OR7C1: variants seen among roughly 807,000 people sequenced by gnomAD.
OR7C1 encodes olfactory receptor family 7 subfamily C member 1.
For missense variants in OR7C1, 324 were observed against 383.3 expected, an observed-to-expected ratio of 0.85 and a Z score of 1.29; for synonymous variants, 152 against 160.7, an observed-to-expected ratio of 0.95 and a Z score of 0.41.
chr19:14,828,259 C>G (rs2044794614), intron 1 of OR7C1: 1 of 1,585,098 alleles, frequency 6.3e-7, no homozygotes, highest in African/African-American at 1.3e-5. Flanking sequence ...AAGTGACTAT[C>G]AGAGAGAGAG....
chr19:14,817,827 A>G (rs2044722581), intron 1 of OR7C1, among the ~76,000 whole-genome samples: 1 of 152,164 alleles, frequency 6.6e-6, no homozygotes, highest in East Asian at 1.9e-4. Context: ...AAGGAATGGG[A>G]GCTAAAAAGT....
exon 5 of OR7C1, chr19:14,799,762 G>A (rs1301952606): frequency 1.9e-6 from 3 of 1,613,950 alleles, no homozygotes; most frequent in Non-Finnish European, 2.5e-6. Flanking sequence ...GGTGACAGAC[G>A]GCCACGAAGC....
Position 14,828,362 on chromosome 19 carries a change from G to T in OR7C1, c.-623+6712C>A, listed in dbSNP as rs551120689. On this transcript the variant is annotated intron_variant, in intron 1 of 4. Transcript: ENST00000641666. ...TAGCCAATAAATTATCTTACATTTT[G>T]TGTATGAATCTGGTTCTCTTTAAGG... 3.0e-3 allele frequency: 3,529 copies of T among 1,160,048 alleles called. 6 individuals are homozygous for T. Among genetic ancestry groups the T allele is most frequent in the Non-Finnish European group, 4.0e-3 (3,324 of 828,200 alleles). The allele number at this position is 1,160,048 out of a possible 1,614,324, so 71.9% of individuals were successfully genotyped here. A position where few individuals can be genotyped will look rare whatever the true frequency, so the allele number is the denominator to read the frequency against.
intron 2 of OR7C1, among the ~76,000 whole-genome samples, chr19:14,804,902 T>G (rs2044659040): frequency 6.6e-6 from 1 of 151,742 alleles, no homozygotes; most frequent in Admixed American, 6.6e-5. Flanking sequence ...GACAAGGTCT[T>G]GTTTTGTTGC....
intron 2 of OR7C1, among the ~76,000 whole-genome samples, chr19:14,807,906 A>C (rs908664601): frequency 2.6e-5 from 4 of 151,400 alleles, no homozygotes; most frequent in African/African-American, 7.3e-5. Context: ...AAAAAAAAAA[A>C]CAAACAAACA....
intron 2 of OR7C1, among the ~76,000 whole-genome samples, chr19:14,807,030 A>G (rs2044669114): frequency 6.6e-6 from 1 of 152,032 alleles, no homozygotes; most frequent in African/African-American, 2.4e-5. Flanking sequence ...ATTTCTCCAC[A>G]GTCTTGCCAG....
At chr19:14,827,771 C>T in intron 1 of OR7C1, 1 of 1,614,102 alleles carries the variant, frequency 6.2e-7, no homozygotes, top group East Asian at 2.2e-5. Flanking sequence ...AGATTTGTAG[C>T]AAGGAATACA....
intron 2 of OR7C1, among the ~76,000 whole-genome samples, chr19:14,805,308 G>A (rs1045624701): frequency 6.6e-6 from 1 of 151,348 alleles, no homozygotes; most frequent in Non-Finnish European, 1.5e-5. Flanking sequence ...AAGGCTCATT[G>A]AGACCCTGGT....
intron 1 of OR7C1, among the ~76,000 whole-genome samples, chr19:14,818,120 C>T (rs966232451): frequency 1.8e-4 from 25 of 140,782 alleles, no homozygotes; most frequent in African/African-American, 4.5e-4. Flanking sequence ...GACGGAGTCT[C>T]GCTCTGTCCC....
chr19:14,831,100 T>C (rs1026919428), intron 1 of OR7C1, among the ~76,000 whole-genome samples: 2 of 152,226 alleles, frequency 1.3e-5, no homozygotes, highest in Non-Finnish European at 2.9e-5. Context: ...CCTTTCTTTA[T>C]CTACAACTGT....
chr19:14,823,655 C>T (rs2044751656), intron 1 of OR7C1, among the ~76,000 whole-genome samples: 1 of 152,136 alleles, frequency 6.6e-6, no homozygotes. Flanking sequence ...TCTATTATTC[C>T]ACATTCTATA....
At chr19:14,828,758 CAAAAAAAAAAAAAA>C (rs58983718) in intron 1 of OR7C1, among the ~76,000 whole-genome samples, 5 of 35,140 alleles carry the variant, frequency 1.4e-4, no homozygotes, top group African/African-American at 2.1e-4. Flanking sequence ...GACTCCATCT[CAAAAAAAAAAAAAA>C]AAAAAAAAAA....
chr19:14,827,634 A>C lies in OR7C1; in HGVS notation c.-623+7440T>G, dbSNP rs146887113. ...CAGGGGACCTCCACCCAGCAGCGCA[A>C]CTGTAAAATATATCACCATGTGATT... On this transcript the variant is annotated intron_variant, in intron 1 of 4. Transcript: ENST00000641666. 1.0e-4 allele frequency: 162 copies of C among 1,614,206 alleles called. 1 individual carries two copies. Among genetic ancestry groups the C allele is most frequent in the Admixed American group, 1.0e-4 (6 of 60,016 alleles).
At chr19:14,813,328 G>A (rs933179115) in intron 1 of OR7C1, among the ~76,000 whole-genome samples, 1 of 152,102 alleles carries the variant, frequency 6.6e-6, no homozygotes, top group Non-Finnish European at 1.5e-5. Flanking sequence ...GCTGAGGTGG[G>A]CGGATCACAA....
intron 1 of OR7C1, among the ~76,000 whole-genome samples, chr19:14,818,386 G>A (rs2044726477): frequency 1.3e-5 from 2 of 152,034 alleles, no homozygotes; most frequent in Admixed American, 6.6e-5. Flanking sequence ...GAGCCACCGC[G>A]CCCGGCTGAT....
chr19:14,828,118 T>TCC, intron 1 of OR7C1: 1 of 1,613,988 alleles, frequency 6.2e-7, no homozygotes, highest in Non-Finnish European at 8.5e-7. Flanking sequence ...ATGAGCAGGT[T>TCC]CCCGAGCACA....
chr19:14,823,710 T>C (rs1015386408), intron 1 of OR7C1, among the ~76,000 whole-genome samples: 2 of 152,210 alleles, frequency 1.3e-5, no homozygotes, highest in Non-Finnish European at 2.9e-5. Context: ...AGTGAGAACA[T>C]GCAGTATTTG....
intron 1 of OR7C1, among the ~76,000 whole-genome samples, chr19:14,815,341 G>A (rs2044711249): frequency 6.6e-6 from 1 of 152,206 alleles, no homozygotes; most frequent in African/African-American, 2.4e-5. Flanking sequence ...GTGGGCATGG[G>A]TTGTATGTTG....
chr19:14,813,062 G>T (rs997253669), intron 1 of OR7C1, among the ~76,000 whole-genome samples: 9 of 128,894 alleles, frequency 7.0e-5, no homozygotes, highest in African/African-American at 2.9e-4. Context: ...GACACAGCAA[G>T]ATTCCATCTC....
Sources: allele counts gnomAD v4.1 joint callset (sites outside exome capture counted in the v4.1 genomes callset), GRCh38; gene constraint gnomAD v4.1.1; transcripts MANE v1.5; gene names NCBI Gene and HGNC (gene_info 2026-07-23, HGNC 2026-07-21).